The following LRRC4C variants were observed in gnomAD, a reference collection of about 807,000 sequenced individuals.
LRRC4C encodes the protein leucine-rich repeat-containing protein 4C.
In LRRC4C, 5 loss-of-function variants were observed where a neutral mutation model predicts 33.6. The ratio of observed to expected loss-of-function variants is 0.15; its 90% CI spans 0.08 to 0.31. The LOEUF (loss-of-function observed/expected upper bound fraction) is 0.31, where lower values mean the gene tolerates loss of function less well. Among genes scored for constraint, LRRC4C ranks in the 10% least tolerant of loss-of-function variants. The pLI, the probability that LRRC4C is intolerant of heterozygous loss-of-function variation, is 1.00. For missense variants in LRRC4C, 560 were observed against 796.7 expected, an observed-to-expected ratio of 0.70 and a Z score of 3.58; for synonymous variants, 329 against 302.0, an observed-to-expected ratio of 1.09 and a Z score of -0.93.
intron 4 of LRRC4C, among the ~76,000 whole-genome samples, chr11:40,296,588 G>C (rs1300094624): frequency 1.3e-5 from 2 of 152,174 alleles, no homozygotes; most frequent in Non-Finnish European, 2.9e-5. Flanking sequence ...CTGAATGCCA[G>C]GCATGAATTT....
At chr11:41,131,220 T>C (rs182587481) in intron 1 of LRRC4C, among the ~76,000 whole-genome samples, 6 of 152,172 alleles carry the variant, frequency 3.9e-5, no homozygotes, top group African/African-American at 1.2e-4. Flanking sequence ...AGCAGGTTTT[T>C]CAGCAACTCA....
chr11:40,677,997 G>T (rs770946061), intron 2 of LRRC4C, among the ~76,000 whole-genome samples: 3 of 152,060 alleles, frequency 2.0e-5, no homozygotes, highest in Non-Finnish European at 4.4e-5. Flanking sequence ...CCGTGGAGCT[G>T]CCATAGTAAC....
intron 3 of LRRC4C, among the ~76,000 whole-genome samples, chr11:40,506,963 T>C (rs1024528440): frequency 1.3e-5 from 2 of 152,102 alleles, no homozygotes; most frequent in Non-Finnish European, 2.9e-5. Flanking sequence ...ACATAAAACA[T>C]ACAGGGTAAG....
At chr11:40,919,072 C>T (rs1019176860) in intron 2 of LRRC4C, among the ~76,000 whole-genome samples, 3 of 152,036 alleles carry the variant, frequency 2.0e-5, no homozygotes, top group South Asian at 2.1e-4. Flanking sequence ...ATTCTAACTC[C>T]TTTATTAAAG....
chr11:40,307,273 A>G (rs550460402), intron 4 of LRRC4C, among the ~76,000 whole-genome samples: 1 of 152,318 alleles, frequency 6.6e-6, no homozygotes, highest in East Asian at 1.9e-4. Context: ...ATAGTTTTAA[A>G]TACTGGACAT....
intron 1 of LRRC4C, among the ~76,000 whole-genome samples, chr11:41,426,921 C>CA (rs1340469206): frequency 2.6e-5 from 4 of 152,096 alleles, no homozygotes; most frequent in Non-Finnish European, 5.9e-5. Flanking sequence ...CTGGTGACCA[C>CA]AAAAGAGAAG....
intron 5 of LRRC4C, among the ~76,000 whole-genome samples, chr11:40,195,086 G>A (rs374225080): frequency 3.1e-4 from 46 of 150,528 alleles, no homozygotes; most frequent in Non-Finnish European, 4.3e-4. Context: ...GTGAGACTCC[G>A]TCTCAAAGAA....
chr11:40,831,054 G>C (rs1952390547), intron 2 of LRRC4C, among the ~76,000 whole-genome samples: 1 of 152,078 alleles, frequency 6.6e-6, no homozygotes, highest in Non-Finnish European at 1.5e-5. Flanking sequence ...TTGTTATCTA[G>C]AGGTCAGATA....
intron 6 of LRRC4C, among the ~76,000 whole-genome samples, chr11:40,139,507 T>C (rs1333804483): frequency 6.6e-6 from 1 of 152,154 alleles, no homozygotes. Context: ...CTTTTTTTTG[T>C]TTGTTTATTT....
chr11:41,064,533 G>T (rs1474725824), intron 1 of LRRC4C, among the ~76,000 whole-genome samples: 1 of 152,226 alleles, frequency 6.6e-6, no homozygotes, highest in South Asian at 2.1e-4. Context: ...GTACTATAGA[G>T]GTGCCTAATT....
At position 41,029,086 on chromosome 11, in the gene LRRC4C, G is replaced by C. The variant is rs1045972763; in HGVS notation, c.-495-95363C>G. 2.0e-5 allele frequency among the ~76,000 whole-genome samples: 3 copies of C among 151,750 alleles called. No individual in the cohort carries two copies. The Admixed American group carries it at 2.0e-4, about 10-fold the overall frequency. ...TTTATCCAAAAGAGATTTTAACTAA[G>C]ACATGGTTTGTACAGTTGATGCAAA... On this transcript the variant is annotated intron_variant, in intron 1 of 6. Transcript: ENST00000528697.
intron 1 of LRRC4C, among the ~76,000 whole-genome samples, chr11:41,101,007 G>T (rs1446391442): frequency 2.6e-5 from 4 of 152,136 alleles, no homozygotes; most frequent in Non-Finnish European, 4.4e-5. Context: ...GTCAACTCAA[G>T]ATGGATTAAA....
At chr11:40,977,441 T>C (rs372918728) in intron 1 of LRRC4C, among the ~76,000 whole-genome samples, 12 of 152,186 alleles carry the variant, frequency 7.9e-5, no homozygotes, top group East Asian at 5.8e-4. Context: ...CTACACTATG[T>C]ATATCAAAGA....
chr11:40,457,273 TAAG>T (rs1335104285), intron 3 of LRRC4C, among the ~76,000 whole-genome samples: 2 of 152,170 alleles, frequency 1.3e-5, no homozygotes, highest in Middle Eastern at 3.4e-3. Flanking sequence ...AAGATATTTT[TAAG>T]AAGAAAGTAT....
At chr11:40,210,363 T>C (rs566372974) in intron 5 of LRRC4C, among the ~76,000 whole-genome samples, 4 of 152,218 alleles carry the variant, frequency 2.6e-5, no homozygotes, top group South Asian at 2.1e-4. Context: ...AGTAAAAACC[T>C]TGAGCACAGA....
intron 3 of LRRC4C, among the ~76,000 whole-genome samples, chr11:40,440,836 G>A (rs917969539): frequency 6.7e-6 from 1 of 150,190 alleles, no homozygotes; most frequent in African/African-American, 2.5e-5. Context: ...CTCATTTTGT[G>A]CACAGCTGCA....
At chr11:41,108,655 C>T (rs545636762) in intron 1 of LRRC4C, among the ~76,000 whole-genome samples, 2 of 152,142 alleles carry the variant, frequency 1.3e-5, no homozygotes, top group Admixed American at 6.6e-5. Flanking sequence ...CTTGATGAAA[C>T]CAATAGTATT....
At chr11:40,125,227 T>G (rs1340349967) in intron 6 of LRRC4C, among the ~76,000 whole-genome samples, 2 of 152,062 alleles carry the variant, frequency 1.3e-5, no homozygotes, top group Non-Finnish European at 1.5e-5. Context: ...CTCCCACTAA[T>G]AAGAAGAAAA....
At chr11:40,401,392 T>C (rs1949753907) in intron 3 of LRRC4C, among the ~76,000 whole-genome samples, 1 of 152,112 alleles carries the variant, frequency 6.6e-6, no homozygotes, top group Non-Finnish European at 1.5e-5. Context: ...TTACTCTGAA[T>C]TCACTAATAG....
Sources: allele counts gnomAD v4.1 joint callset (sites outside exome capture counted in the v4.1 genomes callset), GRCh38; gene constraint gnomAD v4.1.1; transcripts MANE v1.5; gene names NCBI Gene and HGNC (gene_info 2026-07-23, HGNC 2026-07-21).